The following SCN4A variants were observed in gnomAD, a reference collection of about 807,000 sequenced individuals.
The protein encoded by SCN4A is sodium channel protein type 4 subunit alpha.
A neutral mutation model predicts 162.0 loss-of-function variants in SCN4A; 83 were observed. That is an observed-to-expected ratio of 0.51 (90% CI 0.43 to 0.61). The LOEUF is 0.61. Ranked by LOEUF, SCN4A falls within the 20% of genes least tolerant of loss-of-function variation. The pLI, the probability that SCN4A is intolerant of heterozygous loss-of-function variation, is 0.00. For synonymous variants in SCN4A, 944 were observed against 985.1 expected (o/e 0.96, Z 0.78); for missense variants, 2,196 against 2,462.5 (o/e 0.89, Z 2.29).
At chr17:63,946,086 A>C (rs1429584687) in intron 18 of SCN4A, among the ~76,000 whole-genome samples, 1 of 152,182 alleles carries the variant, frequency 6.6e-6, no homozygotes, top group Non-Finnish European at 1.5e-5. Context: ...CAGAAGCCCC[A>C]TCCCCACCAG....
intron 10 of SCN4A, among the ~76,000 whole-genome samples, chr17:63,963,162 T>A (rs1239258369): frequency 1.3e-5 from 2 of 152,234 alleles, no homozygotes; most frequent in Non-Finnish European, 2.9e-5. Context: ...TCTCTCATCA[T>A]GACATCCTTA....
Position 63,940,699 on chromosome 17 carries a change from T to C in SCN4A, c.*72A>G. 4.0e-6 allele frequency: 6 copies of C among 1,494,362 alleles called. No homozygotes were observed. The highest frequency in any genetic ancestry group is 5.4e-6 in the Non-Finnish European group (6 of 1,116,662). 92.6% of individuals were successfully genotyped at this position (1,494,362 alleles called of 1,614,324 possible). ...CAGATTCAAAGCCCTCCTCCCTCAC[T>C]CTGTGTGCAGGCACCACGGGGGAGC... is the stretch of plus-strand genomic sequence containing the variant. On this transcript the variant is annotated 3_prime_UTR_variant, in exon 24 of 24. Transcript: ENST00000435607.
Position 63,941,032 on chromosome 17 carries a change from T to A in SCN4A, c.5250A>T (p.Ala1750=). ...RHLLQRSMKQ[A]SYMYRHSHDG... ...CGTGGCTGTGGCGGTACATGTAGGA[T>A]GCCTGCTTCATGGAGCGCTGTAGCA... Residue 1750 remains alanine, a synonymous_variant, in exon 24 of 24, where the codon GCA becomes GCT. Transcript: ENST00000435607. This position sits in a 1 kb window ranked among gnomAD's most constrained non-coding sequence, Gnocchi z 6.2. 1 of 1,613,922 alleles carries A rather than the reference T, an allele frequency of 6.2e-7. No individual in the cohort carries two copies. The highest frequency in any genetic ancestry group is 8.5e-7 in the Non-Finnish European group (1 of 1,179,846).
intron 8 of SCN4A, among the ~76,000 whole-genome samples, chr17:63,965,271 T>C (rs1909401762): frequency 6.6e-6 from 1 of 152,176 alleles, no homozygotes; most frequent in Non-Finnish European, 1.5e-5. Flanking sequence ...CTCAAACTTC[T>C]GACCTCAAGT....
chr17:63,942,985 G>A lies in SCN4A; in HGVS notation c.4129C>T (p.Gln1377Ter). Reference protein sequence around the residue: ...MVTMMVETDNQSQLKVDILYN... With the variant: ...MVTMMVETDN Reference sequence around the variant, plus strand: ...AGGATGTCCACCTTGAGCTGGCTCTGGTTGTCTGTCTCCACCATCATGGTG... The same window carrying A: ...AGGATGTCCACCTTGAGCTGGCTCTAGTTGTCTGTCTCCACCATCATGGTG... Residue 1377 changes from glutamine (Q) to a stop codon, truncating the protein, a stop_gained, in exon 23 of 24, where the codon CAG becomes TAG. Transcript: ENST00000435607. LOFTEE classifies it high-confidence loss of function. 1.2e-6 allele frequency: 2 copies of A among 1,613,992 alleles called. No homozygotes were observed. The highest frequency in any genetic ancestry group is 1.7e-6 in the Non-Finnish European group (2 of 1,179,868).
At position 63,957,152 on chromosome 17, in the gene SCN4A, CCTCA is replaced by C; in HGVS notation, c.2376+6_2376+9del. The C allele has an allele frequency of 1.3e-6, 2 of 1,554,084 alleles. No individual in the cohort carries two copies. The highest frequency in any genetic ancestry group is 1.8e-6 in the Non-Finnish European group (2 of 1,142,046). On this transcript the variant is annotated splice_donor_region_variant and intron_variant, in intron 13 of 23. Transcript: ENST00000435607. ...GTGAGGGCAGGGGCCACCCAGCCAG[CCTCA>C]CTCACCACAAGATTGCCGATGACCA... is the stretch of plus-strand genomic sequence containing the variant.
At position 63,955,132 on chromosome 17, in the gene SCN4A, G is replaced by A. The variant is rs112711802; in HGVS notation, c.2376+2030C>T. Among the ~76,000 whole-genome samples the A allele has an allele frequency of 8.4e-3, 1,286 of 152,296 alleles. 7 individuals are homozygous for A. Among genetic ancestry groups the A allele is most frequent in the Admixed American group, 0.013 (199 of 15,300 alleles). On this transcript the variant is annotated intron_variant, in intron 13 of 23. Transcript: ENST00000435607. ...CGATACTGTTGTCATTGATGTTATC[G>A]TTACTGGAGTTACATGGACCCAGTT...
intron 8 of SCN4A, among the ~76,000 whole-genome samples, chr17:63,965,113 C>T (rs542549422): frequency 4.6e-4 from 70 of 151,988 alleles, no homozygotes; most frequent in South Asian, 2.9e-3. Context: ...GGTGTGATCT[C>T]GGCTCACTGC....
In SCN4A at chr17:63,940,573, A is replaced by C. The variant is rs1908485298; in HGVS notation, c.*198T>G. 2 of 570,036 alleles carry C rather than the reference A, an allele frequency of 3.5e-6. No homozygotes were observed. Among genetic ancestry groups the C allele is most frequent in the Non-Finnish European group, 5.8e-6 (2 of 343,588 alleles). 35.3% of individuals were successfully genotyped at this position (570,036 alleles called of 1,614,324 possible). A position where few individuals can be genotyped will look rare whatever the true frequency, so the allele number is the denominator to read the frequency against. On this transcript the variant is annotated 3_prime_UTR_variant, in exon 24 of 24. Transcript: ENST00000435607. ...GACCCAGCATGGAGCCCCTGAGCGC[A>C]ATTCCCATTTCCCATGGTCTGGGAA...
chr17:63,951,046 A>T lies in SCN4A; in HGVS notation c.2853+378T>A, dbSNP rs538933869. On this transcript the variant is annotated intron_variant, in intron 14 of 23. Transcript: ENST00000435607. This position sits in a 1 kb window ranked among gnomAD's most constrained non-coding sequence, Gnocchi z 4.5. ...TGTGAGGACTGGGCAAGGGGCCTCAAACCCAGAGGAGAATATGTAAGAGAG... is the reference window on the plus strand; with the variant it reads ...TGTGAGGACTGGGCAAGGGGCCTCATACCCAGAGGAGAATATGTAAGAGAG... 6.6e-6 allele frequency among the ~76,000 whole-genome samples: 1 copy of T among 152,308 alleles called. No homozygotes were observed. Among genetic ancestry groups the T allele is most frequent in the African/African-American group, 2.4e-5 (1 of 41,562 alleles).
Position 63,945,338 on chromosome 17 carries a change from A to G in SCN4A, c.3720+22T>C, listed in dbSNP as rs1567817984. ...GGGCACCTCCATCCAGGTTCCCGGCAGGGGTGGTGGGTCACACTCACCACC... is the reference window on the plus strand; with the variant it reads ...GGGCACCTCCATCCAGGTTCCCGGCGGGGGTGGTGGGTCACACTCACCACC... On this transcript the variant is annotated intron_variant, in intron 19 of 23. Coordinates refer to ENST00000435607, the MANE Select transcript of SCN4A (RefSeq NM_000334.4). This position sits in a 1 kb window ranked among gnomAD's most constrained non-coding sequence, Gnocchi z 4.4. 1 of 1,595,614 alleles carries G rather than the reference A, an allele frequency of 6.3e-7. No individual in the cohort carries two copies.
chr17:63,947,071 C>T lies in SCN4A; in HGVS notation c.3415G>A (p.Ala1139Thr). 6.3e-7 allele frequency: 1 copy of T among 1,592,010 alleles called. No homozygotes were observed. Among genetic ancestry groups the T allele is most frequent in the Non-Finnish European group, 8.6e-7 (1 of 1,168,284 alleles). ...CTCATGCCCTCGAATCGGGACAGTG[C>T]CCTCAGGGGACGCAGGGCCCGCAGT... ...RTLRALRPLR[A>T]LSRFEGMRVV... is the part of the protein sequence containing the mutation. Residue 1139 changes from alanine (A) to threonine (T), a missense_variant, in exon 18 of 24, where the codon GCA becomes ACA. Transcript: ENST00000435607.
chr17:63,948,590 G>A (rs772562425), intron 16 of SCN4A, 21 bp downstream of exon 16: 15 of 1,607,840 alleles, frequency 9.3e-6, no homozygotes, highest in Admixed American at 1.7e-5. Context: ...CCCCTGACCC[G>A]TGCTCCCAGG....
intron 10 of SCN4A, among the ~76,000 whole-genome samples, chr17:63,963,022 G>T (rs1489418110): frequency 6.6e-6 from 1 of 152,074 alleles, no homozygotes; most frequent in Non-Finnish European, 1.5e-5. Context: ...TTTCTCTATT[G>T]TCCCTTTTTC....
At position 63,940,791 on chromosome 17, in the gene SCN4A, C is replaced by A; in HGVS notation, c.5491G>T (p.Val1831Phe). Residue 1831 changes from valine to phenylalanine, a missense_variant, in exon 24 of 24, where the codon GTC becomes TTC. Physicochemically the swap from Val to Phe is conservative, Grantham distance 50. Transcript: ENST00000435607. The part of the protein sequence containing the change: ...PPPGQTVRPG[V>F]KESLV Reference sequence around the variant, plus strand: ...GCCTGCTAGACAAGAGACTCCTTGACACCTGGGCGCACAGTCTGCCCTGGG... The same window carrying A: ...GCCTGCTAGACAAGAGACTCCTTGAAACCTGGGCGCACAGTCTGCCCTGGG... 6.3e-7 allele frequency: 1 copy of A among 1,581,376 alleles called. No homozygotes were observed. The highest frequency in any genetic ancestry group is 8.6e-7 in the Non-Finnish European group (1 of 1,161,610).
Position 63,971,759 on chromosome 17 carries a change from G to A in SCN4A, c.574C>T (p.Pro192Ser), listed in dbSNP as rs751749964. ...ACACTGAAGTCCAGCCAGTTCCAGG[G>A]GTCCCGGAGGAATGTGAAGTCGTCG... ...CVDDFTFLRD[P>S]WNWLDFSVIM... The change falls in exon 4 of 24, where the codon CCC becomes TCC. Residue 192 changes from proline (P) to serine (S), a missense_variant. Coordinates refer to ENST00000435607, the MANE Select transcript of SCN4A (RefSeq NM_000334.4). 5.6e-6 allele frequency: 9 copies of A among 1,610,326 alleles called. No individual in the cohort carries two copies. The Admixed American group carries it at 1.5e-4, about 27-fold the overall frequency.
Position 63,941,007 on chromosome 17 carries a change from C to T in SCN4A, c.5275G>A (p.Asp1759Asn), listed in dbSNP as rs1015807829. 3.1e-5 allele frequency: 50 copies of T among 1,613,546 alleles called. No individual in the cohort carries two copies. The highest frequency in any genetic ancestry group is 3.7e-5 in the Non-Finnish European group (44 of 1,179,616). Residue 1759 changes from aspartate to asparagine, a missense_variant, in exon 24 of 24, where the codon GAC becomes AAC. Physicochemically the swap from Asp to Asn is conservative, Grantham distance 23. Transcript: ENST00000435607. The surrounding 1 kb of genome is among the most constrained non-coding windows in gnomAD (Gnocchi z 6.2). ...TCAGGGGCGTCATCCCCGCTGCCGT[C>T]GTGGCTGTGGCGGTACATGTAGGAT... is the stretch of plus-strand genomic sequence containing the variant. ...QASYMYRHSH[D>N]GSGDDAPEKE... is the part of the protein sequence containing the mutation.
rs746126027 is a variant in SCN4A at position 63,945,395 on chromosome 17, T to C, written c.3685A>G (p.Asn1229Asp). ...AGGGAGAGGTAGCCCAGACCCACGTTGTCGTAGTTGACCTTGACATTGAGC... is the reference window on the plus strand; with the variant it reads ...AGGGAGAGGTAGCCCAGACCCACGTCGTCGTAGTTGACCTTGACATTGAGC... ...RWLNVKVNYD[N>D]VGLGYLSLLQ... The change falls in exon 19 of 24, where the codon AAC becomes GAC. Residue 1229 changes from asparagine (N) to aspartate (D), a missense_variant. Transcript: ENST00000435607. The surrounding 1 kb of genome is among the most constrained non-coding windows in gnomAD (Gnocchi z 4.4). 24 of 1,612,920 alleles carry C rather than the reference T, an allele frequency of 1.5e-5. No individual in the cohort carries two copies. The highest frequency in any genetic ancestry group is 3.3e-4 in the Middle Eastern group (2 of 6,078).
chr17:63,963,957 G>T lies in SCN4A; in HGVS notation c.1453-132C>A, dbSNP rs2331408. 0.87 allele frequency: 734,013 copies of T among 847,166 alleles called. 324,702 individuals are homozygous for T. Among genetic ancestry groups the T allele is most frequent in the East Asian group, 0.96 (33,845 of 35,164 alleles). 52.5% of individuals were successfully genotyped at this position (847,166 alleles called of 1,614,324 possible). A position where few individuals can be genotyped will look rare whatever the true frequency, so the allele number is the denominator to read the frequency against. On this transcript the variant is annotated intron_variant, in intron 9 of 23. Coordinates refer to ENST00000435607, the MANE Select transcript of SCN4A (RefSeq NM_000334.4). Reference sequence around the variant, plus strand: ...CTTCCTGGCCTGTGTCAAACTTAGTGCAGGTGGGGGAGGGACCAACCTCCA... The same window carrying T: ...CTTCCTGGCCTGTGTCAAACTTAGTTCAGGTGGGGGAGGGACCAACCTCCA...
Sources: gnomAD v4.1 joint callset for allele counts (sites outside exome capture counted in the v4.1 genomes callset) on GRCh38, gnomAD v4.1.1 for gene constraint, Gnocchi (gnomAD v3.1) non-coding constraint, MANE v1.5 for transcripts, NCBI Gene and HGNC (gene_info 2026-07-23, HGNC 2026-07-21) for gene names.